Variants in PHF6 observed in about 807,000 individuals in gnomAD.
PHF6 encodes the protein PHD finger protein 6.
A neutral mutation model predicts 34.0 loss-of-function variants in PHF6; 7 were observed. That is an observed-to-expected ratio of 0.21 (90% CI 0.12 to 0.39). PHF6 has a LOEUF of 0.39. PHF6 is among the 10% of genes least tolerant of loss of function. The pLI, the probability that PHF6 is intolerant of heterozygous loss-of-function variation, is 1.00. For synonymous variants in PHF6, 89 were observed against 88.4 expected (o/e 1.01, Z -0.04); for missense variants, 128 against 262.8 (o/e 0.49, Z 3.55).
At chrX:134,407,441 A>G (rs2077429716) in intron 5 of PHF6, among the ~76,000 whole-genome samples, 2 of 112,377 alleles carry the variant, frequency 1.8e-5, no homozygotes, top group Admixed American at 1.9e-4. Flanking sequence ...TACAAGTCAT[A>G]ACCATAGGGG....
intron 5 of PHF6, among the ~76,000 whole-genome samples, chrX:134,408,674 A>G (rs1280302776): frequency 2.7e-5 from 3 of 111,779 alleles, no homozygotes; most frequent in Non-Finnish European, 5.6e-5. Context: ...GGTGTTCTCT[A>G]TAATATAGAT....
Position 134,426,416 on chromosome X carries a change from A to G in PHF6, c.*756A>G, listed in dbSNP as rs960961887. 14 of 159,466 alleles carry G rather than the reference A, an allele frequency of 8.8e-5. No individual in the cohort carries two copies. The highest frequency in any genetic ancestry group is 4.2e-4 in the African/African-American group (14 of 33,149). The allele number at this position is 159,466 out of a possible 1,213,427, so 13.1% of individuals were successfully genotyped here. A position where few individuals can be genotyped will look rare whatever the true frequency, so the allele number is the denominator to read the frequency against. On this transcript the variant is annotated 3_prime_UTR_variant, in exon 11 of 11. Transcript: ENST00000370803. ...AGCAAATTAAACGTTTTTAAGATGT[A>G]AAGAAAGGGTTACCGCTTGCTAAGG...
At chrX:134,402,273 C>T (rs749544248) in intron 5 of PHF6, among the ~76,000 whole-genome samples, 2 of 112,398 alleles carry the variant, frequency 1.8e-5, no homozygotes, top group Non-Finnish European at 3.8e-5. Context: ...GGATTACAGG[C>T]GTGAGCCACC....
At position 134,399,654 on chromosome X, in the gene PHF6, C is replaced by CACAG. The variant is rs1556016613; in HGVS notation, c.418+5705_418+5706insGACA. On this transcript the variant is annotated intron_variant, in intron 5 of 10. Transcript: ENST00000370803. ...CTCCTGTTCCCCAACCCCTAACATA[C>CACAG]ACACACACACACACAGACACACACA... Among the ~76,000 whole-genome samples, 7 of 106,124 alleles carry CACAG rather than the reference C, an allele frequency of 6.6e-5. No homozygotes were observed. In the East Asian group the frequency reaches 2.0e-3, roughly 31 times the overall value. The allele number at this position is 106,124 out of a possible 115,157, so 92.2% of individuals were successfully genotyped here.
intron 9 of PHF6, chrX:134,419,555 G>T (rs1311603971): frequency 1.8e-5 from 2 of 111,506 alleles, no homozygotes; most frequent in South Asian, 3.7e-4. Context: ...CTTAATAGGT[G>T]TTTATGAGAA....
chrX:134,392,957 C>G (rs942010549), intron 3 of PHF6, among the ~76,000 whole-genome samples: 1 of 111,113 alleles, frequency 9.0e-6, no homozygotes. Context: ...CCACCACACC[C>G]CAGCTAATTT....
intron 3 of PHF6, among the ~76,000 whole-genome samples, chrX:134,385,487 G>C (rs1366034107): frequency 1.8e-5 from 2 of 111,744 alleles, no homozygotes; most frequent in Non-Finnish European, 3.8e-5. Flanking sequence ...GGTGCTTGAT[G>C]TCTTCTTTGT....
chrX:134,373,558 C>G (rs1177083112), intron 1 of PHF6, 91 bp downstream of exon 1: 1 of 111,215 alleles, frequency 9.0e-6, no homozygotes, highest in Non-Finnish European at 1.9e-5. Flanking sequence ...CGCCCCTGCC[C>G]GTTGTTAAAG....
intron 5 of PHF6, among the ~76,000 whole-genome samples, chrX:134,409,678 CA>C (rs750123219): frequency 1.3e-4 from 14 of 106,502 alleles, no homozygotes; most frequent in Non-Finnish European, 2.7e-4. Flanking sequence ...ACTTCAGATT[CA>C]GGGGGGTGCA....
At chrX:134,405,890 A>G (rs1389358941) in intron 5 of PHF6, among the ~76,000 whole-genome samples, 1 of 108,311 alleles carries the variant, frequency 9.2e-6, no homozygotes, top group African/African-American at 3.4e-5. Flanking sequence ...CTTTCCTGAA[A>G]AAGCAGGAAG....
chrX:134,401,070 C>T (rs188130442), intron 5 of PHF6, among the ~76,000 whole-genome samples: 3,024 of 111,415 alleles, frequency 0.027, 117 homozygotes, highest in African/African-American at 0.093. Flanking sequence ...CAGAGTGTGA[C>T]ATAGGGATGT....
chrX:134,406,992 A>G (rs2077427886), intron 5 of PHF6, among the ~76,000 whole-genome samples: 2 of 111,931 alleles, frequency 1.8e-5, no homozygotes, highest in Non-Finnish European at 1.9e-5. Context: ...TTTTTCTAAC[A>G]TCCAGGAGCA....
intron 5 of PHF6, among the ~76,000 whole-genome samples, chrX:134,408,331 C>T (rs1330673763): frequency 5.4e-5 from 6 of 111,995 alleles, no homozygotes; most frequent in Non-Finnish European, 1.1e-4. Context: ...TGTACTTATA[C>T]GAGTGACTCT....
intron 5 of PHF6, among the ~76,000 whole-genome samples, chrX:134,399,331 C>G (rs2077391476): frequency 9.0e-6 from 1 of 111,093 alleles, no homozygotes; most frequent in African/African-American, 3.3e-5. Flanking sequence ...TGGCATGTTA[C>G]ATACATGTCA....
intron 5 of PHF6, among the ~76,000 whole-genome samples, chrX:134,406,004 G>C (rs2077421601): frequency 9.1e-6 from 1 of 109,785 alleles, no homozygotes; most frequent in African/African-American, 3.3e-5. Flanking sequence ...CAGCAACCAT[G>C]AAGATTCAAA....
intron 7 of PHF6, among the ~76,000 whole-genome samples, 187 bp downstream of exon 7, chrX:134,414,153 GT>G (rs2124249222): frequency 9.0e-6 from 1 of 110,860 alleles, no homozygotes; most frequent in Admixed American, 9.7e-5. Flanking sequence ...CAAATCTTAA[GT>G]TTAGATTTTG....
chrX:134,376,116 G>A (rs2077277262), intron 1 of PHF6, among the ~76,000 whole-genome samples: 1 of 111,896 alleles, frequency 8.9e-6, no homozygotes, highest in Non-Finnish European at 1.9e-5. Flanking sequence ...ATAAATGGAT[G>A]AGAAGACATG....
chrX:134,399,658 CACACACACACAGACACACACACACACAG>C (rs1433410470), intron 5 of PHF6, among the ~76,000 whole-genome samples: 4 of 108,330 alleles, frequency 3.7e-5, no homozygotes, highest in Non-Finnish European at 1.9e-5. Flanking sequence ...AACATACACA[CACACACACACAGACACACACACACACAG>C]ACACACACAC....
At chrX:134,382,268 C>G (rs1337975517) in intron 3 of PHF6, among the ~76,000 whole-genome samples, 1 of 111,726 alleles carries the variant, frequency 9.0e-6, no homozygotes, top group African/African-American at 3.3e-5. Context: ...AGTACTAAGG[C>G]TTTTATGATT....
Sources: gnomAD v4.1 joint callset for allele counts (sites outside exome capture counted in the v4.1 genomes callset) on GRCh38, gnomAD v4.1.1 for gene constraint, MANE v1.5 for transcripts, NCBI Gene and HGNC (gene_info 2026-07-23, HGNC 2026-07-21) for gene names.